The following FRK variants were observed in gnomAD, a reference collection of about 807,000 sequenced individuals.
FRK encodes the protein fyn related Src family tyrosine kinase.
A neutral mutation model predicts 56.4 loss-of-function variants in FRK; 51 were observed. That is an observed-to-expected ratio of 0.90 (90% CI 0.72 to 1.14). FRK has a LOEUF of 1.14. Ranked by LOEUF, FRK falls within the 50% of genes most tolerant of loss-of-function variation. The probability of loss-of-function intolerance (pLI) is 0.00; values close to 1 mark genes in which losing one functional copy is unlikely to be tolerated. For synonymous variants in FRK, 245 were observed against 217.9 expected (o/e 1.12, Z -1.10); for missense variants, 570 against 601.4 (o/e 0.95, Z 0.55).
chr6:115,944,345 ACTCCAGATAGGC>A lies in FRK; in HGVS notation c.1027_1038del (p.Ala343_Glu346del), dbSNP rs1194337043. The A allele has an allele frequency of 6.2e-7, 1 of 1,612,960 alleles. No homozygotes were observed. Among genetic ancestry groups the A allele is most frequent in the South Asian group, 1.1e-5 (1 of 91,010 alleles). On this transcript the variant is annotated inframe_deletion, in exon 6 of 8. Coordinates refer to ENST00000606080, the MANE Select transcript of FRK (RefSeq NM_002031.3). ...AGATCTCTGTGAATGTAGTTCCGAGACTCCAGATAGGCCATTCCAGAGGCAACCTGTGCCGCC... is the reference window on the plus strand; with the variant it reads ...AGATCTCTGTGAATGTAGTTCCGAGACATTCCAGAGGCAACCTGTGCCGCC...
At chr6:116,031,440 G>A (rs974141383) in intron 1 of FRK, among the ~76,000 whole-genome samples, 1 of 152,108 alleles carries the variant, frequency 6.6e-6, no homozygotes, top group African/African-American at 2.4e-5. Context: ...TTTCAGAGAG[G>A]AGGAAAATCA....
intron 2 of FRK, among the ~76,000 whole-genome samples, chr6:116,002,193 A>G (rs1174430533): frequency 1.3e-5 from 2 of 152,236 alleles, no homozygotes; most frequent in Admixed American, 6.5e-5. Flanking sequence ...ATTCACTTAT[A>G]TCACTTGGAT....
At chr6:116,002,096 C>G (rs978489276) in intron 2 of FRK, among the ~76,000 whole-genome samples, 2 of 152,094 alleles carry the variant, frequency 1.3e-5, no homozygotes, top group Non-Finnish European at 2.9e-5. Context: ...AAGTCTTATT[C>G]TAGATTATTC....
At chr6:115,946,789 T>G (rs781550347) in intron 5 of FRK, among the ~76,000 whole-genome samples, 1 of 152,172 alleles carries the variant, frequency 6.6e-6, no homozygotes, top group Non-Finnish European at 1.5e-5. Context: ...GAGAAACTTG[T>G]AACAAGTCAA....
intron 1 of FRK, among the ~76,000 whole-genome samples, chr6:116,037,729 T>C (rs1459669726): frequency 6.6e-6 from 1 of 152,232 alleles, no homozygotes; most frequent in East Asian, 1.9e-4. Flanking sequence ...TGGGATCATT[T>C]GTTTAATAAA....
chr6:116,056,522 T>G (rs1777406091), intron 1 of FRK, among the ~76,000 whole-genome samples: 1 of 152,232 alleles, frequency 6.6e-6, no homozygotes, highest in Non-Finnish European at 1.5e-5. Flanking sequence ...ACGTCTAATA[T>G]TATTGCTGAT....
In FRK at chr6:115,933,714, G is replaced by C. The variant is rs1453039526; in HGVS notation, c.*8700C>G. On this transcript the variant is annotated 3_prime_UTR_variant, in exon 8 of 8. Transcript: ENST00000606080. ...TCTATTCATTTCTATATGTGCGCAA[G>C]AAAAATTAAACATGAAATGAATTCA... 1 of 152,046 alleles carries C rather than the reference G, an allele frequency of 6.6e-6. No homozygotes were observed. The highest frequency in any genetic ancestry group is 2.4e-5 in the African/African-American group (1 of 41,410). 9.4% of individuals were successfully genotyped at this position (152,046 alleles called of 1,614,324 possible).
chr6:116,082,592 G>A, the FRK span, among the ~76,000 whole-genome samples: 1 of 152,170 alleles, frequency 6.6e-6, no homozygotes, highest in Non-Finnish European at 1.5e-5. Context: ...GATGTGAGAT[G>A]TAAGAGCAAG....
intron 1 of FRK, among the ~76,000 whole-genome samples, chr6:116,041,702 G>A (rs932194893): frequency 2.6e-5 from 4 of 152,116 alleles, no homozygotes; most frequent in South Asian, 2.1e-4. Flanking sequence ...CGTGAGGAAC[G>A]GTGCACTCCA....
chr6:116,035,031 A>C (rs1043771887), intron 1 of FRK, among the ~76,000 whole-genome samples: 8 of 152,048 alleles, frequency 5.3e-5, no homozygotes, highest in Non-Finnish European at 1.0e-4. Flanking sequence ...ACTGTTCTCT[A>C]TCCTTTTTAT....
intron 2 of FRK, among the ~76,000 whole-genome samples, chr6:115,984,603 G>T (rs557230869): frequency 6.6e-6 from 1 of 151,974 alleles, no homozygotes; most frequent in Non-Finnish European, 1.5e-5. Flanking sequence ...TGAATCTACA[G>T]AAGTAAGTCC....
At chr6:115,955,904 C>T (rs939128604) in intron 5 of FRK, among the ~76,000 whole-genome samples, 4 of 152,176 alleles carry the variant, frequency 2.6e-5, no homozygotes, top group Non-Finnish European at 1.5e-5. Flanking sequence ...TCTCTGACTA[C>T]AGGAAGCAAA....
At chr6:115,994,338 C>CCCCTTTTTTT (rs1554230544) in intron 2 of FRK, among the ~76,000 whole-genome samples, 3 of 91,770 alleles carry the variant, frequency 3.3e-5, no homozygotes, top group East Asian at 2.8e-4. Flanking sequence ...CCCCCCCCGC[C>CCCCTTTTTTT]TTTTTTTTGT....
Position 115,944,373 on chromosome 6 carries a change from C to T in FRK, c.1011G>A (p.Gln337=), listed in dbSNP as rs200883754. 1.1e-4 allele frequency: 177 copies of T among 1,612,618 alleles called. 2 individuals carry two copies. The highest frequency in any genetic ancestry group is 2.2e-4 in the Admixed American group (13 of 59,788). Residue 337 remains glutamine (Q), a synonymous_variant, in exon 6 of 8, where the codon CAG becomes CAA. Coordinates refer to ENST00000606080, the MANE Select transcript of FRK (RefSeq NM_002031.3). ...HLTQQVDMAA[Q]VASGMAYLES... ...CCAGATAGGCCATTCCAGAGGCAAC[C>T]TGTGCCGCCATGTCTACCTGTTGAG...
chr6:115,944,751 G>A (rs1324453275), intron 5 of FRK, among the ~76,000 whole-genome samples: 3 of 151,916 alleles, frequency 2.0e-5, no homozygotes, highest in African/African-American at 4.8e-5. Flanking sequence ...AAGTTCAGGG[G>A]TACATTTCCA....
the FRK span, among the ~76,000 whole-genome samples, chr6:116,090,988 A>T: frequency 6.6e-6 from 1 of 152,210 alleles, no homozygotes; most frequent in African/African-American, 2.4e-5. Context: ...GATTTTTTTA[A>T]AATTGTAATC....
At chr6:116,076,591 T>C in the FRK span, among the ~76,000 whole-genome samples, 1 of 152,326 alleles carries the variant, frequency 6.6e-6, no homozygotes, top group South Asian at 2.1e-4. Flanking sequence ...TTGTTCCTGA[T>C]TGGTCAATGA....
intron 4 of FRK, among the ~76,000 whole-genome samples, chr6:115,957,723 C>T (rs777900647): frequency 2.0e-5 from 3 of 152,178 alleles, no homozygotes; most frequent in Non-Finnish European, 4.4e-5. Context: ...CCTTTGAGAA[C>T]CCAGAAGTTC....
At chr6:116,054,542 A>G (rs1436955458) in intron 1 of FRK, among the ~76,000 whole-genome samples, 1 of 145,708 alleles carries the variant, frequency 6.9e-6, no homozygotes, top group East Asian at 1.9e-4. Flanking sequence ...ATAGTATAAT[A>G]TAGTATAATA....
Sources: allele counts gnomAD v4.1 joint callset (sites outside exome capture counted in the v4.1 genomes callset), GRCh38; gene constraint gnomAD v4.1.1; transcripts MANE v1.5; gene names NCBI Gene and HGNC (gene_info 2026-07-23, HGNC 2026-07-21).